The following TRPC4 variants were observed in gnomAD, a reference collection of about 807,000 sequenced individuals.
TRPC4 encodes the protein transient receptor potential cation channel subfamily C member 4.
A neutral mutation model predicts 99.4 loss-of-function variants in TRPC4; 49 were observed. That is an observed-to-expected ratio of 0.49 (90% CI 0.39 to 0.63). The LOEUF is 0.63. Among genes scored for constraint, TRPC4 ranks in the 20% least tolerant of loss-of-function variants. TRPC4 has a pLI of 0.00. For missense variants in TRPC4, 898 were observed against 1,152.9 expected, an observed-to-expected ratio of 0.78 and a Z score of 3.20; for synonymous variants, 454 against 425.9, an observed-to-expected ratio of 1.07 and a Z score of -0.81.
chr13:37,666,398 T>C (rs1952648407), intron 5 of TRPC4, among the ~76,000 whole-genome samples: 1 of 152,200 alleles, frequency 6.6e-6, no homozygotes, highest in African/African-American at 2.4e-5. Context: ...ATAATTTGTC[T>C]GTTCTCTGAT....
intron 1 of TRPC4, among the ~76,000 whole-genome samples, chr13:37,811,978 C>A (rs1957701167): frequency 6.6e-6 from 1 of 151,864 alleles, no homozygotes; most frequent in Non-Finnish European, 1.5e-5. Flanking sequence ...GCCAGGCCAA[C>A]ATGGCAAAAC....
intron 1 of TRPC4, among the ~76,000 whole-genome samples, chr13:37,831,708 A>T (rs1454393365): frequency 1.3e-5 from 2 of 152,244 alleles, no homozygotes; most frequent in African/African-American, 4.8e-5. Context: ...CAGCATTATA[A>T]AAAGGTAAAT....
chr13:37,657,872 T>G lies in TRPC4; in HGVS notation c.1689-2589A>C, dbSNP rs190940166. Among the ~76,000 whole-genome samples the G allele has an allele frequency of 4.8e-4, 73 of 152,286 alleles. No individual in the cohort carries two copies. The East Asian group carries it at 0.011, about 22-fold the overall frequency. ...ATTACTTATAGATTATTTCTTTCTT[T>G]TATTTTCCTTCTTTTAGTGGAATAA... On this transcript the variant is annotated intron_variant, in intron 6 of 10. Transcript: ENST00000379705.
At chr13:37,642,721 T>C (rs9547989) in intron 8 of TRPC4, among the ~76,000 whole-genome samples, 148,382 of 150,502 alleles carry the variant, frequency 0.99, 73,180 homozygotes, top group Middle Eastern at 1. Context: ...TATGGAAATA[T>C]GATTCTTTCT....
intron 2 of TRPC4, among the ~76,000 whole-genome samples, chr13:37,762,454 C>T (rs1290451867): frequency 6.6e-6 from 1 of 151,432 alleles, no homozygotes. Context: ...ATAGCGAAGA[C>T]TTGGAACCAA....
intron 8 of TRPC4, among the ~76,000 whole-genome samples, chr13:37,644,541 T>A (rs1015583252): frequency 8.5e-5 from 13 of 152,118 alleles, no homozygotes. Flanking sequence ...GATTTCTCAG[T>A]GAATGAGCTC....
At chr13:37,637,689 G>C in intron 10 of TRPC4, 64 bp from the exon 11 acceptor site, 1 of 1,458,486 alleles carries the variant, frequency 6.9e-7, no homozygotes, top group Non-Finnish European at 9.2e-7. Context: ...TCATTTTCTC[G>C]TCTCATATAT....
At position 37,632,693 on chromosome 13, in the gene TRPC4, T is replaced by G. The variant is rs1255273651; in HGVS notation, c.*4210A>C. 1.3e-5 allele frequency among the ~76,000 whole-genome samples: 2 copies of G among 152,204 alleles called. No homozygotes were observed. Among genetic ancestry groups the G allele is most frequent in the Non-Finnish European group, 2.9e-5 (2 of 68,038 alleles). Reference sequence around the variant, plus strand: ...TTCAGTTGAGAAGCTTTGATATAATTTAATACATTTTATTATTACCAGTAT... The same window carrying G: ...TTCAGTTGAGAAGCTTTGATATAATGTAATACATTTTATTATTACCAGTAT... On this transcript the variant is annotated 3_prime_UTR_variant, in exon 11 of 11. Coordinates refer to ENST00000379705, the MANE Select transcript of TRPC4 (RefSeq NM_016179.4).
chr13:37,815,348 C>G (rs1009437935), intron 1 of TRPC4, among the ~76,000 whole-genome samples: 1 of 151,856 alleles, frequency 6.6e-6, no homozygotes. Context: ...AAGAAAGACC[C>G]AGCTGTATGC....
At chr13:37,812,999 T>C (rs1387797943) in intron 1 of TRPC4, among the ~76,000 whole-genome samples, 1 of 151,648 alleles carries the variant, frequency 6.6e-6, no homozygotes, top group African/African-American at 2.4e-5. Flanking sequence ...CTCTAAAATA[T>C]TGAAAAAAAA....
At chr13:37,726,602 C>T (rs1955068653) in intron 3 of TRPC4, among the ~76,000 whole-genome samples, 1 of 152,080 alleles carries the variant, frequency 6.6e-6, no homozygotes, top group Non-Finnish European at 1.5e-5. Flanking sequence ...AGTAAGTATC[C>T]TTTATTAGCA....
chr13:37,665,811 C>T (rs1300966823), intron 5 of TRPC4, among the ~76,000 whole-genome samples: 1 of 147,480 alleles, frequency 6.8e-6, no homozygotes, highest in Non-Finnish European at 1.5e-5. Flanking sequence ...CTGAAAAGAG[C>T]CCTTCTTGGT....
intron 3 of TRPC4, among the ~76,000 whole-genome samples, chr13:37,695,881 G>A (rs934809963): frequency 6.6e-6 from 1 of 152,070 alleles, no homozygotes; most frequent in Non-Finnish European, 1.5e-5. Flanking sequence ...AAAACTCCAA[G>A]CCACAATGGC....
Position 37,635,467 on chromosome 13 carries a change from T to A in TRPC4, c.*1436A>T, listed in dbSNP as rs1220669975. Among the ~76,000 whole-genome samples, 1 of 152,150 alleles carries A rather than the reference T, an allele frequency of 6.6e-6. No homozygotes were observed. Among genetic ancestry groups the A allele is most frequent in the African/African-American group, 2.4e-5 (1 of 41,444 alleles). On this transcript the variant is annotated 3_prime_UTR_variant, in exon 11 of 11. Coordinates refer to ENST00000379705, the MANE Select transcript of TRPC4 (RefSeq NM_016179.4). ...GAGGCTGGCATTGTTATTGCTGTTATTCCTTATTTTTGATGTTTGGTAATG... is the reference window on the plus strand; with the variant it reads ...GAGGCTGGCATTGTTATTGCTGTTAATCCTTATTTTTGATGTTTGGTAATG...
chr13:37,754,866 T>C (rs529998431), intron 2 of TRPC4, among the ~76,000 whole-genome samples: 5 of 152,160 alleles, frequency 3.3e-5, no homozygotes, highest in Non-Finnish European at 7.4e-5. Context: ...TATAACTGAT[T>C]GCTATTCTTA....
rs145872712 is a variant in TRPC4, at chr13:37,765,538, T to C, written c.378+17418A>G. Among the ~76,000 whole-genome samples, 1,093 of 151,582 alleles carry C rather than the reference T, an allele frequency of 7.2e-3. 6 individuals carry two copies. Among genetic ancestry groups the C allele is most frequent in the Middle Eastern group, 0.031 (9 of 294 alleles). On this transcript the variant is annotated intron_variant, in intron 2 of 10. Transcript: ENST00000379705. The stretch of plus-strand genomic sequence containing the variant: ...ACATCATTATAATAGTTACACAATA[T>C]TTTAATTAAAATACACAGTAATTTA...
intron 1 of TRPC4, among the ~76,000 whole-genome samples, chr13:37,820,585 C>T (rs747511977): frequency 5.3e-5 from 8 of 151,978 alleles, no homozygotes; most frequent in Admixed American, 2.0e-4. Flanking sequence ...AACGTAAATC[C>T]AAAATGATCA....
chr13:37,677,318 G>T (rs1453603440), intron 4 of TRPC4, among the ~76,000 whole-genome samples: 3 of 151,976 alleles, frequency 2.0e-5, no homozygotes, highest in Non-Finnish European at 4.4e-5. Context: ...AGCAATGGGG[G>T]TAGGTTTCCA....
At chr13:37,750,153 G>A (rs199978364) in intron 2 of TRPC4, among the ~76,000 whole-genome samples, 2 of 140,080 alleles carry the variant, frequency 1.4e-5, no homozygotes, top group Admixed American at 7.2e-5. Flanking sequence ...ATATTCCTTT[G>A]TTAGTAGCAA....
Sources: allele counts gnomAD v4.1 joint callset (sites outside exome capture counted in the v4.1 genomes callset), GRCh38; gene constraint gnomAD v4.1.1; transcripts MANE v1.5; gene names NCBI Gene and HGNC (gene_info 2026-07-23, HGNC 2026-07-21).